ITGA6: variants seen among roughly 807,000 people sequenced by gnomAD.
ITGA6 encodes integrin alpha-6.
In ITGA6, 63 loss-of-function variants were observed where a neutral mutation model predicts 133.6. That is an observed-to-expected ratio of 0.47 (90% CI 0.38 to 0.58). The LOEUF is 0.58. Ranked by LOEUF, ITGA6 falls within the 20% of genes least tolerant of loss-of-function variation. The pLI, the probability that ITGA6 is intolerant of heterozygous loss-of-function variation, is 0.00. For synonymous variants in ITGA6, 434 were observed against 482.0 expected (o/e 0.90, Z 1.30); for missense variants, 1,068 against 1,309.4 (o/e 0.82, Z 2.85).
chr2:172,488,985 C>G (rs1389446728), intron 19 of ITGA6, among the ~76,000 whole-genome samples: 1 of 152,170 alleles, frequency 6.6e-6, no homozygotes, highest in Non-Finnish European at 1.5e-5. Flanking sequence ...CAGGACGTCA[C>G]TCTGTTCCCA....
rs113236519 is a variant in ITGA6 at position 172,505,767 on chromosome 2, A to AG, written c.*1701dup. On this transcript the variant is annotated 3_prime_UTR_variant, in exon 26 of 26. Coordinates refer to ENST00000684293, the MANE Select transcript of ITGA6 (RefSeq NM_000210.4). ...GGAAATCTTAAACCTTAAGATACTA[A>AG]GGACGTTGTTTTGGTTGTACTTTGG... 2.2e-3 allele frequency: 331 copies of AG among 152,728 alleles called. 3 individuals are homozygous for AG. Among genetic ancestry groups the AG allele is most frequent in the African/African-American group, 7.6e-3 (316 of 41,550 alleles). The allele number at this position is 152,728 out of a possible 1,614,324, so 9.5% of individuals were successfully genotyped here.
At chr2:172,447,518 A>C (rs1684816339) in intron 1 of ITGA6, among the ~76,000 whole-genome samples, 1 of 152,200 alleles carries the variant, frequency 6.6e-6, no homozygotes, top group Non-Finnish European at 1.5e-5. Flanking sequence ...ATTTTATTTT[A>C]AAATGAGCTA....
At chr2:172,489,947 T>TGG in intron 20 of ITGA6, 1 of 359,572 alleles carries the variant, frequency 2.8e-6, no homozygotes, top group Non-Finnish European at 5.2e-6. Flanking sequence ...TAAGGAGAAC[T>TGG]GGGGGATGCT....
chr2:172,427,971 G>A lies in ITGA6; in HGVS notation c.182+1G>A. On this transcript the variant is annotated splice_donor_variant, in intron 1 of 25. Coordinates refer to ENST00000684293, the MANE Select transcript of ITGA6 (RefSeq NM_000210.4). LOFTEE classifies it high-confidence loss of function. ...AACTGCAGCCCGAGGACAAGCGGCTGTGAGTTCCCAGACCCTTCCCACCCC... is the reference window on the plus strand; with the variant it reads ...AACTGCAGCCCGAGGACAAGCGGCTATGAGTTCCCAGACCCTTCCCACCCC... 1 of 1,603,624 alleles carries A rather than the reference G, an allele frequency of 6.2e-7. No homozygotes were observed. Among genetic ancestry groups the A allele is most frequent in the Admixed American group, 1.7e-5 (1 of 58,750 alleles).
chr2:172,476,077 T>C (rs1686161964), intron 8 of ITGA6, among the ~76,000 whole-genome samples: 1 of 152,086 alleles, frequency 6.6e-6, no homozygotes, highest in African/African-American at 2.4e-5. Flanking sequence ...AAAAATGTCT[T>C]TTGAGAAAAA....
In ITGA6 at chr2:172,488,007, G is replaced by A. The variant is rs1471444063; in HGVS notation, c.2371G>A (p.Val791Met). 6.2e-7 allele frequency: 1 copy of A among 1,614,060 alleles called. No individual in the cohort carries two copies. The highest frequency in any genetic ancestry group is 1.7e-5 in the Admixed American group (1 of 60,026). The part of the protein sequence containing the change: ...NLAPITAKAK[V>M]VIELLLSVSG... ...GGCTCCAATTACAGCTAAAGCAAAAGTGGTTATTGAACTGCTTTTATCGGT... is the reference window on the plus strand; with the variant it reads ...GGCTCCAATTACAGCTAAAGCAAAAATGGTTATTGAACTGCTTTTATCGGT... The change falls in exon 18 of 26, where the codon GTG (valine) becomes ATG (methionine). Residue 791 changes from valine (V) to methionine (M), a missense_variant. Around this residue, in one of 3 missense-constraint regions of ITGA6, gnomAD observed 609 missense variants for 707.2 expected, o/e 0.86. Transcript: ENST00000684293.
At chr2:172,483,098 C>T (rs576972688) in intron 11 of ITGA6, among the ~76,000 whole-genome samples, 8 of 152,084 alleles carry the variant, frequency 5.3e-5, no homozygotes, top group Admixed American at 2.0e-4. Context: ...TCTAGGATCG[C>T]GAAGAGAGGC....
intron 5 of ITGA6, among the ~76,000 whole-genome samples, chr2:172,473,611 A>G (rs1441915838): frequency 6.6e-6 from 1 of 152,200 alleles, no homozygotes. Flanking sequence ...TGGTCATTAA[A>G]TTACAGCAGA....
Position 172,488,042 on chromosome 2 carries a change from AGT to A in ITGA6, c.2402+7_2402+8del. The A allele has an allele frequency of 6.2e-7, 1 of 1,613,828 alleles. No homozygotes were observed. The highest frequency in any genetic ancestry group is 8.5e-7 in the Non-Finnish European group (1 of 1,179,730). ...AACTGCTTTTATCGGTCTCGGGGTA[AGT>A]GTTTGTGTTTAGCATAACAAATCAA... On this transcript the variant is annotated splice_donor_5th_base_variant and intron_variant, in intron 18 of 25. Coordinates refer to ENST00000684293, the MANE Select transcript of ITGA6 (RefSeq NM_000210.4).
chr2:172,498,506 A>T (rs1687221651), intron 24 of ITGA6, among the ~76,000 whole-genome samples: 2 of 152,220 alleles, frequency 1.3e-5, no homozygotes, highest in African/African-American at 4.8e-5. Flanking sequence ...CATAGCAGCC[A>T]TTGGTGTTGG....
In ITGA6 at chr2:172,474,200, C is replaced by T; in HGVS notation, c.921C>T (p.Phe307=). ...CACATCTCCTCCCTGAGCACATATTCGATGGAGAAGGTCTGGCCTCTTCAT... is the reference window on the plus strand; with the variant it reads ...CACATCTCCTCCCTGAGCACATATTTGATGGAGAAGGTCTGGCCTCTTCAT... ...KSAHLLPEHI[F]DGEGLASSFG... The change falls in exon 6 of 26, where the codon TTC becomes TTT. Residue 307 remains phenylalanine, a synonymous_variant. Coordinates refer to ENST00000684293, the MANE Select transcript of ITGA6 (RefSeq NM_000210.4). 6.2e-7 allele frequency: 1 copy of T among 1,614,060 alleles called. No individual in the cohort carries two copies. Among genetic ancestry groups the T allele is most frequent in the Non-Finnish European group, 8.5e-7 (1 of 1,180,018 alleles).
In ITGA6 at chr2:172,427,591, G is replaced by T; in HGVS notation, c.-198G>T. ...CCTGCGAGTCTCCAGAGAACAACGGGCTCATTCAGCGGTCGCGAGCTGCCC... is the reference window on the plus strand; with the variant it reads ...CCTGCGAGTCTCCAGAGAACAACGGTCTCATTCAGCGGTCGCGAGCTGCCC... On this transcript the variant is annotated 5_prime_UTR_variant, in exon 1 of 26. Transcript: ENST00000684293. The T allele has an allele frequency of 2.4e-6, 3 of 1,265,712 alleles. No homozygotes were observed. Among genetic ancestry groups the T allele is most frequent in the Admixed American group, 8.7e-5 (2 of 22,898 alleles). The allele number at this position is 1,265,712 out of a possible 1,614,324, so 78.4% of individuals were successfully genotyped here. A position where few individuals can be genotyped will look rare whatever the true frequency, so the allele number is the denominator to read the frequency against.
At chr2:172,450,813 T>C in intron 1 of ITGA6, among the ~76,000 whole-genome samples, 1 of 147,070 alleles carries the variant, frequency 6.8e-6, no homozygotes, top group African/African-American at 2.5e-5. Flanking sequence ...ATATTTTGTA[T>C]GTATGTGTAT....
At chr2:172,502,384 T>G (rs907818432) in intron 25 of ITGA6, among the ~76,000 whole-genome samples, 1 of 152,220 alleles carries the variant, frequency 6.6e-6, no homozygotes, top group Non-Finnish European at 1.5e-5. Context: ...TTGGTGAGGC[T>G]TCCTCACTGT....
At chr2:172,427,566 C>G, upstream of ITGA6, 1 of 1,224,164 alleles carries the variant, frequency 8.2e-7, no homozygotes, top group Non-Finnish European at 1.0e-6. Flanking sequence ...TGATAAAACG[C>G]CTGCGAGTCT....
chr2:172,487,059 G>A lies in ITGA6; in HGVS notation c.1891G>A (p.Val631Ile). 1.2e-6 allele frequency: 2 copies of A among 1,612,604 alleles called. No individual in the cohort carries two copies. Among genetic ancestry groups the A allele is most frequent in the Admixed American group, 3.3e-5 (2 of 60,022 alleles). The change falls in exon 14 of 26, where the codon GTA becomes ATA. Residue 631 changes from valine to isoleucine, a missense_variant. Around this residue, in one of 3 missense-constraint regions of ITGA6, gnomAD observed 609 missense variants for 707.2 expected, o/e 0.86. Coordinates refer to ENST00000684293, the MANE Select transcript of ITGA6 (RefSeq NM_000210.4). ...AAAAGAGGGATGTGGAGACGACAAT[G>A]TATGTAACAGCAACCTTAAACTAGA... ...FLKEGCGDDN[V>I]CNSNLKLEYK... is the part of the protein sequence containing the mutation.
At chr2:172,494,629 C>G (rs920314698) in intron 23 of ITGA6, among the ~76,000 whole-genome samples, 1 of 152,182 alleles carries the variant, frequency 6.6e-6, no homozygotes. Context: ...TAAATTAAAT[C>G]CATCTTGTTA....
intron 1 of ITGA6, among the ~76,000 whole-genome samples, chr2:172,456,216 G>A (rs1157979363): frequency 2.6e-5 from 4 of 152,230 alleles, no homozygotes; most frequent in Non-Finnish European, 5.9e-5. Context: ...CGGGAAAGGA[G>A]AGGGACTCTT....
At chr2:172,436,451 T>G (rs1464748349) in intron 1 of ITGA6, among the ~76,000 whole-genome samples, 2 of 152,170 alleles carry the variant, frequency 1.3e-5, no homozygotes, top group Non-Finnish European at 2.9e-5. Flanking sequence ...AGAGGCGTTG[T>G]GAGGATCCTC....
Sources: allele counts gnomAD v4.1 joint callset (sites outside exome capture counted in the v4.1 genomes callset), GRCh38; gene constraint gnomAD v4.1.1; regional missense constraint gnomAD v4.1.1; transcripts MANE v1.5; gene names NCBI Gene and HGNC (gene_info 2026-07-23, HGNC 2026-07-21).